The following CAPN13 variants were observed in gnomAD, a reference collection of about 807,000 sequenced individuals.
CAPN13 encodes calpain 13, also known as calpain-13.
In CAPN13, 90 loss-of-function variants were observed where a neutral mutation model predicts 98.4. That is an observed-to-expected ratio of 0.92 (90% CI 0.77 to 1.09). The LOEUF is 1.09. Among genes scored for constraint, CAPN13 ranks in the 50% least tolerant of loss-of-function variants. The pLI is 0.00. For synonymous variants in CAPN13, 330 were observed against 305.5 expected (o/e 1.08, Z -0.84); for missense variants, 887 against 841.3 (o/e 1.05, Z -0.67).
rs1558314689 is a variant in CAPN13 at position 30,758,805 on chromosome 2, TCCC to T, written c.775-671_775-669del. Among the ~76,000 whole-genome samples the T allele has an allele frequency of 4.2e-3, 336 of 80,702 alleles. 5 individuals carry two copies. Among genetic ancestry groups the T allele is most frequent in the Middle Eastern group, 0.032 (5 of 156 alleles). 52.9% of individuals were successfully genotyped at this position (80,702 alleles called of 152,430 possible). On this transcript the variant is annotated intron_variant, in intron 7 of 22. Transcript: ENST00000295055. Reference sequence around the variant, plus strand: ...CCCTCCCTTTCCTTTCCTTCCTCCCTCCCTTCCCTTCCTCCCTTCCTTCCTCCC... The same window carrying T: ...CCCTCCCTTTCCTTTCCTTCCTCCCTTTCCCTTCCTCCCTTCCTTCCTCCC...
chr2:30,738,158 G>C (rs765359220), intron 17 of CAPN13, 77 bp downstream of exon 17: 6 of 1,513,200 alleles, frequency 4.0e-6, no homozygotes, highest in South Asian at 1.1e-5. Flanking sequence ...GTTCCCTACT[G>C]TCCTAATTAG....
At chr2:30,772,270 CA>C (rs1023510433) in intron 4 of CAPN13, among the ~76,000 whole-genome samples, 1 of 152,180 alleles carries the variant, frequency 6.6e-6, no homozygotes, top group African/African-American at 2.4e-5. Flanking sequence ...TGCTGGAGGC[CA>C]TTTTGCCAAC....
intron 1 of CAPN13, among the ~76,000 whole-genome samples, chr2:30,795,003 A>G (rs1215635093): frequency 1.3e-5 from 2 of 152,026 alleles, no homozygotes; most frequent in African/African-American, 4.8e-5. Flanking sequence ...TACCTTAAAC[A>G]TATGCAGTTT....
At chr2:30,757,952 G>A (rs1247385210) in intron 8 of CAPN13, 94 bp downstream of exon 8, 16 of 886,916 alleles carry the variant, frequency 1.8e-5, no homozygotes, top group East Asian at 2.8e-5. Flanking sequence ...AGTGAGATGC[G>A]CAGTGGCTAG....
At chr2:30,798,060 T>C (rs576145602) in intron 1 of CAPN13, among the ~76,000 whole-genome samples, 1 of 152,348 alleles carries the variant, frequency 6.6e-6, no homozygotes, top group Admixed American at 6.5e-5. Flanking sequence ...AAGAGTGATT[T>C]TGATTAGACT....
At chr2:30,754,482 T>C in intron 8 of CAPN13, 118 bp from the exon 9 acceptor site, 1 of 777,310 alleles carries the variant, frequency 1.3e-6, no homozygotes, top group Non-Finnish European at 2.0e-6. Flanking sequence ...ACAGGGCAAG[T>C]GTCATCCTAC....
chr2:30,777,718 C>G (rs1262303327), intron 2 of CAPN13, 79 bp from the exon 3 acceptor site: 2 of 1,221,532 alleles, frequency 1.6e-6, no homozygotes, highest in East Asian at 5.1e-5. Flanking sequence ...CTTTGTCTTT[C>G]AAGGGTCGAG....
intron 7 of CAPN13, among the ~76,000 whole-genome samples, chr2:30,759,240 T>C (rs569731564): frequency 1.3e-5 from 2 of 151,302 alleles, no homozygotes; most frequent in Non-Finnish European, 2.9e-5. Context: ...CCTCCCTCCT[T>C]TCCTCCTTCC....
At chr2:30,801,450 C>T (rs760246153) in intron 1 of CAPN13, among the ~76,000 whole-genome samples, 30 of 151,416 alleles carry the variant, frequency 2.0e-4, no homozygotes, top group Non-Finnish European at 3.7e-4. Context: ...CCTAACAATA[C>T]AAAAACTAGC....
chr2:30,749,057 A>G (rs1672052058), intron 11 of CAPN13, among the ~76,000 whole-genome samples: 1 of 152,162 alleles, frequency 6.6e-6, no homozygotes, highest in African/African-American at 2.4e-5. Context: ...TGCACCTTGC[A>G]TAGGTCATTC....
At chr2:30,738,182 C>G (rs1460183084) in intron 17 of CAPN13, 53 bp downstream of exon 17, 2 of 1,591,416 alleles carry the variant, frequency 1.3e-6, no homozygotes, top group Admixed American at 1.7e-5. Flanking sequence ...TCTGGGGAAG[C>G]CCACAGAGCT....
rs1674348817 is a variant in CAPN13 at position 30,787,401 on chromosome 2, T to A, written c.-32-44A>T. 28 of 1,417,396 alleles carry A rather than the reference T, an allele frequency of 2.0e-5. 1 individual carries two copies. In the South Asian group the frequency reaches 4.1e-4, roughly 21 times the overall value. The allele number at this position is 1,417,396 out of a possible 1,614,324, so 87.8% of individuals were successfully genotyped here. Reference sequence around the variant, plus strand: ...GATACCTTTGGGGTAAGCCATCAAGTCCTTTGCATCATCAAATGTGAGCCC... The same window carrying A: ...GATACCTTTGGGGTAAGCCATCAAGACCTTTGCATCATCAAATGTGAGCCC... On this transcript the variant is annotated intron_variant, in intron 1 of 22. Coordinates refer to ENST00000295055, the MANE Select transcript of CAPN13 (RefSeq NM_144575.3).
chr2:30,771,948 G>A (rs985790742), intron 4 of CAPN13, among the ~76,000 whole-genome samples: 4 of 152,222 alleles, frequency 2.6e-5, no homozygotes, highest in South Asian at 2.1e-4. Flanking sequence ...GTCAGTGGCC[G>A]TTTGGTTCAG....
chr2:30,743,856 C>T (rs907100663), intron 12 of CAPN13: 5 of 570,662 alleles, frequency 8.8e-6, no homozygotes, highest in Admixed American at 4.8e-5. Context: ...AGTTTTCTCT[C>T]CCTGCTTATA....
rs574214021 is a variant in CAPN13, at chr2:30,745,714, G to C, written c.1248+9C>G. The C allele has an allele frequency of 1.9e-6, 3 of 1,596,722 alleles. No homozygotes were observed. Among genetic ancestry groups the C allele is most frequent in the Non-Finnish European group, 2.5e-6 (3 of 1,179,036 alleles). On this transcript the variant is annotated intron_variant, in intron 12 of 22. Transcript: ENST00000295055. ...AGAGGCGCAGGGCAAGGACGACGCT[G>C]AGCCATACCTGTGAGCCAGCCTGTT...
At chr2:30,800,103 AAAGAAAAGAAAGAAAAG>A (rs1675115393) in intron 1 of CAPN13, among the ~76,000 whole-genome samples, 1 of 141,922 alleles carries the variant, frequency 7.0e-6, no homozygotes. Context: ...GAAAAGAAAG[AAAGAAAAGAAAGAAAAG>A]AAAGAAAGAA....
intron 12 of CAPN13, 90 bp from the exon 13 acceptor site, chr2:30,743,669 G>A (rs752734639): frequency 9.7e-5 from 107 of 1,103,942 alleles, no homozygotes; most frequent in Middle Eastern, 7.8e-4. Flanking sequence ...CTTCTAGACC[G>A]TCTCCATTCA....
intron 1 of CAPN13, among the ~76,000 whole-genome samples, chr2:30,791,390 A>G (rs1181499895): frequency 1.3e-5 from 2 of 152,220 alleles, no homozygotes; most frequent in African/African-American, 4.8e-5. Context: ...ATTCAATAAA[A>G]TCTCCTGAGT....
chr2:30,758,252 G>C (rs1309455405), intron 7 of CAPN13, 115 bp from the exon 8 acceptor site: 3 of 709,504 alleles, frequency 4.2e-6, no homozygotes, highest in Non-Finnish European at 6.7e-6. Context: ...GACCTCATTT[G>C]GCTGCAGCCA....
Sources: allele counts gnomAD v4.1 joint callset (sites outside exome capture counted in the v4.1 genomes callset), GRCh38; gene constraint gnomAD v4.1.1; transcripts MANE v1.5; gene names NCBI Gene and HGNC (gene_info 2026-07-23, HGNC 2026-07-21).